The following PIAS3 variants were observed in gnomAD, a reference collection of about 807,000 sequenced individuals.
PIAS3 encodes the protein E3 SUMO-protein ligase PIAS3.
PIAS3 carries 34 observed loss-of-function variants against 67.6 expected under a neutral mutation model. That is an observed-to-expected ratio of 0.50 (90% CI 0.38 to 0.67). PIAS3 has a LOEUF of 0.67. Ranked by LOEUF, PIAS3 falls within the 30% of genes least tolerant of loss-of-function variation. The pLI is 0.00. For synonymous variants in PIAS3, 341 were observed against 313.8 expected (o/e 1.09, Z -0.92); for missense variants, 693 against 791.6 (o/e 0.88, Z 1.49).
At chr1:145,853,409 CAAAAAA>C in intron 9 of PIAS3, 89 bp downstream of exon 9, 2 of 775,388 alleles carry the variant, frequency 2.6e-6, no homozygotes, top group South Asian at 4.4e-5. Flanking sequence ...GATTCCATCT[CAAAAAA>C]AAAAAAAAGA....
In PIAS3 at chr1:145,859,052, C is replaced by T; in HGVS notation, c.-62G>A. 6.6e-7 allele frequency: 1 copy of T among 1,504,486 alleles called. No individual in the cohort carries two copies. Among genetic ancestry groups the T allele is most frequent in the African/African-American group, 1.4e-5 (1 of 69,740 alleles). 93.2% of individuals were successfully genotyped at this position (1,504,486 alleles called of 1,614,324 possible). A position where few individuals can be genotyped will look rare whatever the true frequency, so the allele number is the denominator to read the frequency against. ...CTCAGGCCCAGGGACCGGCGCACAA[C>T]TCTCCACCCTGGCGCCGGCCGCAAA... On this transcript the variant is annotated 5_prime_UTR_variant, in exon 1 of 14. Transcript: ENST00000393045.
At position 145,854,893 on chromosome 1, in the gene PIAS3, G is replaced by A. The variant is rs782496033; in HGVS notation, c.670-13C>T. On this transcript the variant is annotated splice_polypyrimidine_tract_variant and intron_variant, in intron 5 of 13. Coordinates refer to ENST00000393045, the MANE Select transcript of PIAS3 (RefSeq NM_006099.3). ...GGGGAAGGTAACCCTGGAGAAGGGA[G>A]GGATTGGTCAGTGGAGAAGTGGCTC... The A allele has an allele frequency of 1.9e-6, 3 of 1,613,870 alleles. No individual in the cohort carries two copies. Among genetic ancestry groups the A allele is most frequent in the South Asian group, 1.1e-5 (1 of 91,062 alleles).
chr1:145,856,275 G>A (rs1443853460), intron 3 of PIAS3, 72 bp downstream of exon 3: 1 of 1,342,664 alleles, frequency 7.4e-7, no homozygotes, highest in Non-Finnish European at 1.1e-6. Flanking sequence ...ATAGGGAAGA[G>A]CACAGGGCAG....
In PIAS3 at chr1:145,859,068, C is replaced by T; in HGVS notation, c.-78G>A. On this transcript the variant is annotated 5_prime_UTR_variant, in exon 1 of 14. Coordinates refer to ENST00000393045, the MANE Select transcript of PIAS3 (RefSeq NM_006099.3). ...GGCGCACAACTCTCCACCCTGGCGC[C>T]GGCCGCAAATGCCGCCTGCTCCGCC... 2 of 1,451,294 alleles carry T rather than the reference C, an allele frequency of 1.4e-6. No individual in the cohort carries two copies. Among genetic ancestry groups the T allele is most frequent in the Non-Finnish European group, 1.8e-6 (2 of 1,081,818 alleles). The allele number at this position is 1,451,294 out of a possible 1,614,324, so 89.9% of individuals were successfully genotyped here. A position where few individuals can be genotyped will look rare whatever the true frequency, so the allele number is the denominator to read the frequency against.
rs782440011 is a variant in PIAS3, at chr1:145,853,488, A to G, written c.1145+16T>C. 158 of 1,583,348 alleles carry G rather than the reference A, an allele frequency of 1.0e-4. No homozygotes were observed. The highest frequency in any genetic ancestry group is 9.0e-4 in the South Asian group (78 of 86,242). On this transcript the variant is annotated intron_variant, in intron 9 of 13. Transcript: ENST00000393045. ...CTAGTGGATGTCCTAGGTAAGAGGA[A>G]GCAAAATGGCCCTACCCATCAATGA... is the stretch of plus-strand genomic sequence containing the variant.
Position 145,850,829 on chromosome 1 carries a change from T to G in PIAS3, c.1390A>C (p.Thr464Pro). Residue 464 changes from threonine (T) to proline (P), a missense_variant, in exon 11 of 14, where the codon ACC becomes CCC. Physicochemically the swap from Thr to Pro is conservative, Grantham distance 38. This residue lies in a region of PIAS3 where 270 missense variants were observed against 261.0 expected (regional missense o/e 1.03). Transcript: ENST00000393045. ...SSSDEEDLPP[T>P]KKHCSVTSAA... is the part of the protein sequence containing the mutation. ...GAGGTGACAGAACAGTGCTTCTTGG[T>G]AGGGGGCAGATCCTCCTCATCTGAT... The G allele has an allele frequency of 6.2e-7, 1 of 1,614,230 alleles. No individual in the cohort carries two copies. Among genetic ancestry groups the G allele is most frequent in the Non-Finnish European group, 8.5e-7 (1 of 1,180,034 alleles).
intron 1 of PIAS3, 118 bp downstream of exon 1, chr1:145,858,847 GCT>G (rs1653303244): frequency 1.2e-6 from 1 of 856,004 alleles, no homozygotes; most frequent in Non-Finnish European, 1.7e-6. Context: ...ATCCTCAGCA[GCT>G]CGTGCCTGCC....
intron 7 of PIAS3, 195 bp from the exon 8 acceptor site, chr1:145,854,081 G>A: frequency 1.6e-6 from 1 of 606,974 alleles, no homozygotes; most frequent in East Asian, 2.7e-5. Context: ...TCCCATCCCT[G>A]AAGATGCTTA....
intron 1 of PIAS3, chr1:145,857,253 A>C (rs1653228626): frequency 1.9e-6 from 1 of 536,126 alleles, no homozygotes; most frequent in South Asian, 2.3e-5. Context: ...CTATTTCCCC[A>C]GGCCTGGAAG....
rs1652878014 is a variant in PIAS3 at position 145,849,715 on chromosome 1, A to G, written c.1621-3T>C. On this transcript the variant is annotated splice_polypyrimidine_tract_variant and splice_region_variant and intron_variant, in intron 13 of 13. Transcript: ENST00000393045. ...GTGATGACAGAGGGGCCATAGTGCTAGGAAGAATCAAGGGCATAGTTTAAG... is the reference window on the plus strand; with the variant it reads ...GTGATGACAGAGGGGCCATAGTGCTGGGAAGAATCAAGGGCATAGTTTAAG... The G allele has an allele frequency of 1.3e-6, 2 of 1,579,776 alleles. No individual in the cohort carries two copies. The highest frequency in any genetic ancestry group is 8.6e-7 in the Non-Finnish European group (1 of 1,163,544).
In PIAS3 at chr1:145,850,552, G is replaced by T; in HGVS notation, c.1483C>A (p.Leu495Ile). 6.2e-7 allele frequency: 1 copy of T among 1,614,256 alleles called. No individual in the cohort carries two copies. The highest frequency in any genetic ancestry group is 8.5e-7 in the Non-Finnish European group (1 of 1,180,042). ...LTSGHQPSSV[L>I]RSPAMGTLGG... ...AACGTGCCCATAGCAGGGCTCCTTA[G>T]CACCGAGGATGGCTGGTGGCCAGAT... The change falls in exon 12 of 14, where the codon CTA becomes ATA. Residue 495 changes from leucine (L) to isoleucine (I), a missense_variant. Physicochemically the swap from Leu to Ile is conservative, Grantham distance 5 (BLOSUM62 2). Coordinates refer to ENST00000393045, the MANE Select transcript of PIAS3 (RefSeq NM_006099.3).
At chr1:145,850,346 T>C (rs1334600532) in intron 12 of PIAS3, 77 bp from the exon 13 acceptor site, 36 of 1,612,550 alleles carry the variant, frequency 2.2e-5, no homozygotes, top group Middle Eastern at 1.6e-4. Context: ...CTGTGGACTG[T>C]GGCCCCTTGC....
intron 6 of PIAS3, 23 bp downstream of exon 6, chr1:145,854,723 G>A (rs1553735164): frequency 6.2e-7 from 1 of 1,614,044 alleles, no homozygotes; most frequent in Non-Finnish European, 8.5e-7. Flanking sequence ...GCTTTTCCAG[G>A]CACCTGCTTT....
In PIAS3 at chr1:145,854,671, C is replaced by T. The variant is rs1553735155; in HGVS notation, c.804+75G>A. ...AGACTCATAAAGAGGAAAATGCTTC[C>T]CCAACCCAGGACACTGGATGGTTCC... On this transcript the variant is annotated intron_variant, in intron 6 of 13. Transcript: ENST00000393045. The T allele has an allele frequency of 2.5e-6, 4 of 1,607,098 alleles. No individual in the cohort carries two copies. The South Asian group carries it at 3.3e-5, about 13-fold the overall frequency.
At chr1:145,854,965 TATTCA>T in intron 5 of PIAS3, 85 bp from the exon 6 acceptor site, 1 of 1,526,298 alleles carries the variant, frequency 6.6e-7, no homozygotes, top group South Asian at 1.2e-5. Context: ...TGTCTCGGGT[TATTCA>T]ATCCCTGGAG....
In PIAS3 at chr1:145,851,378, G is replaced by A. The variant is rs1299087954; in HGVS notation, c.1146-225C>T. 9.8e-6 allele frequency: 5 copies of A among 510,670 alleles called. No homozygotes were observed. In the Admixed American group the frequency reaches 1.3e-4, roughly 13 times the overall value. 31.6% of individuals were successfully genotyped at this position (510,670 alleles called of 1,614,324 possible). Reference sequence around the variant, plus strand: ...TTTAAAATAAATACAATCTGAGGCTGGGTGCAGTGGCTCACGCCTTTAATC... The same window carrying A: ...TTTAAAATAAATACAATCTGAGGCTAGGTGCAGTGGCTCACGCCTTTAATC... On this transcript the variant is annotated intron_variant, in intron 9 of 13. Transcript: ENST00000393045.
intron 9 of PIAS3, 59 bp from the exon 10 acceptor site, chr1:145,851,212 G>C: frequency 1.3e-6 from 2 of 1,555,222 alleles, no homozygotes; most frequent in Non-Finnish European, 1.8e-6. Flanking sequence ...ACAGTAGCCA[G>C]AGTTCTGTAA....
At chr1:145,850,292 A>G (rs149108275) in intron 12 of PIAS3, 23 bp from the exon 13 acceptor site, 2 of 1,614,150 alleles carry the variant, frequency 1.2e-6, no homozygotes, top group Non-Finnish European at 1.7e-6. Context: ...GAAAAATCAA[A>G]ATTAACCTCC....
In PIAS3 at chr1:145,850,796, T is replaced by A; in HGVS notation, c.1423A>T (p.Ile475Phe). ...CCTTTGCTTCCAGGTAGGGCCGGGATGGCAGCTGAGGTGACAGAACAGTGC... is the reference window on the plus strand; with the variant it reads ...CCTTTGCTTCCAGGTAGGGCCGGGAAGGCAGCTGAGGTGACAGAACAGTGC... ...KKHCSVTSAA[I>F]PALPGSKGVL... Residue 475 changes from isoleucine (I) to phenylalanine (F), a missense_variant, in exon 11 of 14, where the codon ATC becomes TTC. Physicochemically the swap from Ile to Phe is conservative, Grantham distance 21. This residue lies in a region of PIAS3 where 270 missense variants were observed against 261.0 expected (regional missense o/e 1.03). Transcript: ENST00000393045. 1 of 1,614,262 alleles carries A rather than the reference T, an allele frequency of 6.2e-7. No individual in the cohort carries two copies.
Sources: allele counts gnomAD v4.1 joint callset, GRCh38; gene constraint gnomAD v4.1.1; regional missense constraint gnomAD v4.1.1; transcripts MANE v1.5; gene names NCBI Gene and HGNC (gene_info 2026-07-23, HGNC 2026-07-21).